The following SYN3 variants were observed in gnomAD, a reference collection of about 807,000 sequenced individuals.
SYN3 encodes synapsin III, also known as synapsin-3.
A neutral mutation model predicts 65.8 loss-of-function variants in SYN3; 35 were observed. The ratio of observed to expected loss-of-function variants is 0.53; its 90% CI spans 0.41 to 0.70. The LOEUF (loss-of-function observed/expected upper bound fraction) is 0.70, where lower values mean the gene tolerates loss of function less well. SYN3 is among the 30% of genes least tolerant of loss of function. SYN3 has a pLI of 0.00. For missense variants in SYN3, 680 were observed against 749.0 expected, an observed-to-expected ratio of 0.91 and a Z score of 1.08; for synonymous variants, 270 against 292.9, an observed-to-expected ratio of 0.92 and a Z score of 0.80.
At chr22:32,643,666 T>C (rs890117252) in intron 6 of SYN3, among the ~76,000 whole-genome samples, 12 of 151,862 alleles carry the variant, frequency 7.9e-5, no homozygotes, top group Non-Finnish European at 1.8e-4. Flanking sequence ...AATCTCAATA[T>C]TTCAAACCTC....
chr22:32,866,184 AT>A lies in SYN3; in HGVS notation c.622-1181del, dbSNP rs772127877. 1.8e-4 allele frequency among the ~76,000 whole-genome samples: 27 copies of A among 152,326 alleles called. No individual in the cohort carries two copies. In the Middle Eastern group the frequency reaches 0.024, roughly 134 times the overall value. On this transcript the variant is annotated intron_variant, in intron 5 of 13. Coordinates refer to ENST00000358763, the MANE Select transcript of SYN3 (RefSeq NM_003490.4). ...GGAATCAACTGGAATTTGTGGTCCCATGTGGATGCCCAGTGGTTAAAGGAGT... is the reference window on the plus strand; with the variant it reads ...GGAATCAACTGGAATTTGTGGTCCCAGTGGATGCCCAGTGGTTAAAGGAGT...
In SYN3 at chr22:32,772,265, T is replaced by C. The variant is rs750965654; in HGVS notation, c.711+92650A>G. ...GTTCTTCTTCTTTCTTTTTCTTTTC[T>C]TTTTTTTTTTTTTCAAGAGGAGGGA... is the stretch of plus-strand genomic sequence containing the variant. On this transcript the variant is annotated intron_variant, in intron 6 of 13. Coordinates refer to ENST00000358763, the MANE Select transcript of SYN3 (RefSeq NM_003490.4). 2.7e-4 allele frequency among the ~76,000 whole-genome samples: 19 copies of C among 70,768 alleles called. 1 individual carries two copies. The highest frequency in any genetic ancestry group is 4.7e-4 in the Non-Finnish European group (17 of 35,952). The allele number at this position is 70,768 out of a possible 152,430, so 46.4% of individuals were successfully genotyped here. A position where few individuals can be genotyped will look rare whatever the true frequency, so the allele number is the denominator to read the frequency against.
At chr22:33,026,522 G>T (rs1190183831) in intron 1 of SYN3, among the ~76,000 whole-genome samples, 1 of 152,126 alleles carries the variant, frequency 6.6e-6, no homozygotes, top group Admixed American at 6.5e-5. Flanking sequence ...CCTATTACCT[G>T]AAAAATACAG....
intron 2 of SYN3, among the ~76,000 whole-genome samples, chr22:32,996,807 T>C (rs1327369306): frequency 2.0e-5 from 3 of 152,212 alleles, no homozygotes; most frequent in African/African-American, 7.2e-5. Flanking sequence ...CCCTTTTCCC[T>C]GGGCACCCTT....
chr22:32,866,177 T>C (rs1166543931), intron 5 of SYN3, among the ~76,000 whole-genome samples: 4 of 152,158 alleles, frequency 2.6e-5, no homozygotes, highest in African/African-American at 9.7e-5. Flanking sequence ...CTGGAATTTG[T>C]GGTCCCATGT....
Position 33,006,561 on chromosome 22 carries a change from T to A in SYN3, c.102A>T (p.Ser34=). The A allele has an allele frequency of 6.2e-7, 1 of 1,614,068 alleles. No homozygotes were observed. The highest frequency in any genetic ancestry group is 8.5e-7 in the Non-Finnish European group (1 of 1,179,988). The change falls in exon 2 of 14, where the codon TCA becomes TCT. Residue 34 remains serine (S), a synonymous_variant. Coordinates refer to ENST00000358763, the MANE Select transcript of SYN3 (RefSeq NM_003490.4). ...DLQRPDSSTS[S]PASPAMERRH... is the part of the protein sequence containing the mutation. ...TCCTCTCCATGGCGGGGGAAGCAGG[T>A]GAGCTGGTGGAGCTATCTGGGCGTT...
intron 6 of SYN3, among the ~76,000 whole-genome samples, chr22:32,601,401 C>T (rs868518416): frequency 4.2e-4 from 64 of 152,138 alleles, no homozygotes; most frequent in Non-Finnish European, 6.6e-4. Context: ...CCTCAGCCTC[C>T]GGAGTAGCTG....
At position 32,533,810 on chromosome 22, in the gene SYN3, T is replaced by C. The variant is rs762188377; in HGVS notation, c.1078A>G (p.Arg360Gly). The change falls in exon 10 of 14, where the codon AGA (arginine) becomes GGA (glycine). Residue 360 changes from arginine (R) to glycine (G), a missense_variant. By Grantham distance (125) the Arg-to-Gly change is moderately radical. Transcript: ENST00000358763. The stretch of plus-strand genomic sequence containing the variant: ...TCCCTCACCTCGATGATGTAATCTC[T>C]GCCATCCTTGCTGTGGACAGCCTTG... ...AVKAVHSKDG[R>G]DYIIEVMDSS... 6.2e-7 allele frequency: 1 copy of C among 1,613,514 alleles called. No homozygotes were observed. Among genetic ancestry groups the C allele is most frequent in the East Asian group, 2.2e-5 (1 of 44,874 alleles).
At position 32,758,555 on chromosome 22, in the gene SYN3, G is replaced by C. The variant is rs2045359735; in HGVS notation, c.711+106360C>G. On this transcript the variant is annotated intron_variant, in intron 6 of 13. Coordinates refer to ENST00000358763, the MANE Select transcript of SYN3 (RefSeq NM_003490.4). ...CTTTCTCCCGTGCTGGATGCTTCCT[G>C]CCCTCAAACGTCGGACTCTAAGTTC... Among the ~76,000 whole-genome samples the C allele has an allele frequency of 2.7e-5, 4 of 150,064 alleles. No homozygotes were observed. In the South Asian group the frequency reaches 8.5e-4, roughly 32 times the overall value.
At chr22:32,663,992 T>C (rs749153714) in intron 6 of SYN3, among the ~76,000 whole-genome samples, 14 of 152,176 alleles carry the variant, frequency 9.2e-5, no homozygotes, top group Non-Finnish European at 1.9e-4. Context: ...CATCCCTGAC[T>C]AAGATAGGGA....
chr22:32,572,927 G>A (rs934019206), intron 7 of SYN3, among the ~76,000 whole-genome samples: 14 of 152,172 alleles, frequency 9.2e-5, no homozygotes, highest in African/African-American at 3.1e-4. Context: ...GAGGGGGCTC[G>A]ACTCAAGAAC....
chr22:32,609,807 T>A (rs1346227521), intron 6 of SYN3, among the ~76,000 whole-genome samples: 1 of 152,074 alleles, frequency 6.6e-6, no homozygotes, highest in Non-Finnish European at 1.5e-5. Flanking sequence ...CTGGTTTTTA[T>A]CCTGTAAATC....
chr22:32,925,314 A>G (rs116253367), intron 4 of SYN3, among the ~76,000 whole-genome samples: 1,796 of 152,280 alleles, frequency 0.012, 36 homozygotes, highest in African/African-American at 0.041. Flanking sequence ...ACTCCAGTAT[A>G]ACTGCACCTT....
At chr22:33,015,359 T>G (rs146423523) in intron 1 of SYN3, 13 of 549,016 alleles carry the variant, frequency 2.4e-5, no homozygotes, top group African/African-American at 1.0e-4. Flanking sequence ...AAGAACTTAC[T>G]GTACAGGGCG....
chr22:32,886,956 T>C (rs241898), intron 4 of SYN3, among the ~76,000 whole-genome samples: 34,490 of 152,262 alleles, frequency 0.23, 4,062 homozygotes, highest in South Asian at 0.41. Flanking sequence ...CTGTGACTGG[T>C]TTGCTGAATA....
intron 6 of SYN3, among the ~76,000 whole-genome samples, chr22:32,802,917 C>G (rs551922683): frequency 1.3e-5 from 2 of 152,066 alleles, no homozygotes; most frequent in South Asian, 4.2e-4. Flanking sequence ...TGCCAAGGGT[C>G]ACATCACGGT....
rs756014046 is a variant in SYN3 at position 33,006,503 on chromosome 22, A to G, written c.160T>C (p.Ser54Pro). 3.1e-6 allele frequency: 5 copies of G among 1,614,020 alleles called. No homozygotes were observed. Among genetic ancestry groups the G allele is most frequent in the Non-Finnish European group, 4.2e-6 (5 of 1,180,034 alleles). Residue 54 changes from serine (S) to proline (P), a missense_variant, in exon 2 of 14, where the codon TCT becomes CCT. Ser to Pro is a moderately conservative substitution (Grantham distance 74). Coordinates refer to ENST00000358763, the MANE Select transcript of SYN3 (RefSeq NM_003490.4). Reference protein sequence around the residue: ...HPQPLAASFSSPGSSLFSSLS... With the variant: ...HPQPLAASFSPPGSSLFSSLS... ...GAGCTAAAAAGGCTGGATCCTGGAG[A>G]GGAGAAGGAGGCAGCCAGGGGCTGG...
chr22:32,582,692 A>AC (rs2058966125), intron 7 of SYN3, among the ~76,000 whole-genome samples: 1 of 152,010 alleles, frequency 6.6e-6, no homozygotes, highest in South Asian at 2.1e-4. Context: ...TATGTTCTGC[A>AC]TTTTTAAGGG....
At position 32,595,076 on chromosome 22, in the gene SYN3, C is replaced by A. The variant is rs556537863; in HGVS notation, c.774+1598G>T. Among the ~76,000 whole-genome samples, 3 of 152,284 alleles carry A rather than the reference C, an allele frequency of 2.0e-5. No homozygotes were observed. In the East Asian group the frequency reaches 5.8e-4, roughly 29 times the overall value. The stretch of plus-strand genomic sequence containing the variant: ...CTGAACCAGAGGCTTGAGAGGCAAA[C>A]TGTGGGAGACCCCCAGTGCCCCCTT... On this transcript the variant is annotated intron_variant, in intron 7 of 13. Coordinates refer to ENST00000358763, the MANE Select transcript of SYN3 (RefSeq NM_003490.4).
Sources: allele counts gnomAD v4.1 joint callset (sites outside exome capture counted in the v4.1 genomes callset), GRCh38; gene constraint gnomAD v4.1.1; transcripts MANE v1.5; gene names NCBI Gene and HGNC (gene_info 2026-07-23, HGNC 2026-07-21).